BCL2L13: variants seen among roughly 807,000 people sequenced by gnomAD.
BCL2L13 encodes bcl-2-like protein 13.
In BCL2L13, 13 loss-of-function variants were observed where a neutral mutation model predicts 25.8. That is an observed-to-expected ratio of 0.50 (90% confidence interval 0.33 to 0.80). The LOEUF (loss-of-function observed/expected upper bound fraction) is 0.80, where lower values mean the gene tolerates loss of function less well. Among genes scored for constraint, BCL2L13 ranks in the 30% least tolerant of loss-of-function variants. The pLI is 0.02. For synonymous variants in BCL2L13, 244 were observed against 230.3 expected (o/e 1.06, Z -0.54); for missense variants, 504 against 574.9 (o/e 0.88, Z 1.26).
intron 2 of BCL2L13, among the ~76,000 whole-genome samples, chr22:17,678,917 A>G (rs2059652567): frequency 6.6e-6 from 1 of 152,156 alleles, no homozygotes. Flanking sequence ...TTCTGCTGAA[A>G]TTCTTGCATG....
intron 6 of BCL2L13, among the ~76,000 whole-genome samples, chr22:17,709,012 AC>A (rs2060665695): frequency 2.0e-5 from 3 of 148,016 alleles, no homozygotes; most frequent in African/African-American, 7.5e-5. Context: ...GAGGTGGGTG[AC>A]TCACAAGGTC....
intron 2 of BCL2L13, among the ~76,000 whole-genome samples, chr22:17,661,067 T>C (rs1241101310): frequency 6.9e-6 from 1 of 145,626 alleles, no homozygotes; most frequent in Non-Finnish European, 1.6e-5. Flanking sequence ...CATGAGCTTC[T>C]GCACCTGGCT....
At chr22:17,667,495 TG>T (rs540521816) in intron 2 of BCL2L13, among the ~76,000 whole-genome samples, 106 of 149,630 alleles carry the variant, frequency 7.1e-4, no homozygotes, top group Non-Finnish European at 1.3e-3. Context: ...TAAATTGAGT[TG>T]TAAGAAGTCT....
chr22:17,629,198 T>C lies in BCL2L13; in HGVS notation c.-650+193T>C, dbSNP rs117269193. On this transcript the variant is annotated intron_variant, in intron 1 of 6. Coordinates refer to the BCL2L13 transcript ENST00000399782. ...GGACAACATAGAGGAACCCCGTCTCTACCAAAAGAAAAAAAAAAGGGGGAT... is the reference window on the plus strand; with the variant it reads ...GGACAACATAGAGGAACCCCGTCTCCACCAAAAGAAAAAAAAAAGGGGGAT... Among the ~76,000 whole-genome samples the C allele has an allele frequency of 6.5e-3, 983 of 151,596 alleles. 10 individuals carry two copies. The highest frequency in any genetic ancestry group is 0.01 in the Middle Eastern group (3 of 294).
chr22:17,674,605 C>CAAAA (rs71201865), intron 2 of BCL2L13, among the ~76,000 whole-genome samples: 2 of 125,214 alleles, frequency 1.6e-5, no homozygotes, highest in Admixed American at 1.6e-4. Flanking sequence ...GACTCTGTCT[C>CAAAA]AAAAAAAAAA....
chr22:17,670,174 A>C (rs2059371307), intron 2 of BCL2L13, among the ~76,000 whole-genome samples: 1 of 152,056 alleles, frequency 6.6e-6, no homozygotes, highest in Non-Finnish European at 1.5e-5. Flanking sequence ...CTTTGTAGTA[A>C]ATTTTGAAAT....
intron 2 of BCL2L13, among the ~76,000 whole-genome samples, chr22:17,659,617 T>C (rs1384765916): frequency 2.1e-5 from 3 of 144,328 alleles, no homozygotes; most frequent in Non-Finnish European, 4.7e-5. Flanking sequence ...ACCGAGATCA[T>C]GCCACTGCAC....
intron 6 of BCL2L13, among the ~76,000 whole-genome samples, chr22:17,720,417 C>T (rs1021465325): frequency 6.6e-6 from 1 of 152,164 alleles, no homozygotes; most frequent in East Asian, 1.9e-4. Flanking sequence ...AGTGCACTGG[C>T]GCGATCTCGG....
At chr22:17,677,935 A>T (rs1026326446) in intron 2 of BCL2L13, among the ~76,000 whole-genome samples, 6 of 152,080 alleles carry the variant, frequency 3.9e-5, no homozygotes, top group Non-Finnish European at 8.8e-5. Context: ...AGTGCCAGCT[A>T]CTTGAGAGGC....
At chr22:17,726,596 A>G in intron 6 of BCL2L13, 81 bp from the exon 7 acceptor site, 1 of 1,487,090 alleles carries the variant, frequency 6.7e-7, no homozygotes, top group Non-Finnish European at 9.1e-7. Flanking sequence ...TCAGTTTAGG[A>G]AAGAATTTGC....
chr22:17,720,828 A>T (rs1233128504), intron 6 of BCL2L13, among the ~76,000 whole-genome samples: 1 of 151,916 alleles, frequency 6.6e-6, no homozygotes, highest in Non-Finnish European at 1.5e-5. Flanking sequence ...TGTGAATTTT[A>T]TGAATATGAA....
chr22:17,656,714 G>A lies in BCL2L13; in HGVS notation c.121+882G>A, dbSNP rs373346469. Among the ~76,000 whole-genome samples the A allele has an allele frequency of 3.5e-3, 532 of 151,888 alleles. 4 individuals are homozygous for A. The highest frequency in any genetic ancestry group is 0.012 in the African/African-American group (504 of 41,410). ...CCTCTATTGGCAGTTACATTTTTTC[G>A]ATACTTCACAAATATTAGTCTATTG... On this transcript the variant is annotated intron_variant, in intron 2 of 6. Coordinates refer to ENST00000317582, the MANE Select transcript of BCL2L13 (RefSeq NM_015367.4).
At chr22:17,680,228 A>AAAAAAAAAAAG (rs1157154310) in intron 2 of BCL2L13, among the ~76,000 whole-genome samples, 1 of 122,988 alleles carries the variant, frequency 8.1e-6, no homozygotes, top group Non-Finnish European at 1.7e-5. Context: ...AAAAAAAAAA[A>AAAAAAAAAAAG]AGCTGGGCAC....
At chr22:17,689,571 G>A (rs35287399) in intron 4 of BCL2L13, among the ~76,000 whole-genome samples, 21,985 of 152,082 alleles carry the variant, frequency 0.14, 2,075 homozygotes, top group Non-Finnish European at 0.21. Flanking sequence ...TTGACCGGGC[G>A]CGGTGGCTCA....
intron 6 of BCL2L13, among the ~76,000 whole-genome samples, chr22:17,721,865 T>C (rs564894430): frequency 6.6e-6 from 1 of 151,770 alleles, no homozygotes; most frequent in South Asian, 2.1e-4. Flanking sequence ...TTTCACCGTG[T>C]TAGCCAGGAT....
chr22:17,634,929 C>CA (rs1201035993), upstream of BCL2L13, among the ~76,000 whole-genome samples: 1 of 140,472 alleles, frequency 7.1e-6, no homozygotes, highest in African/African-American at 2.7e-5. Context: ...GCCTGGGTAA[C>CA]AGAGTGGAAG....
At chr22:17,630,078 C>T (rs146059571) in intron 1 of BCL2L13, among the ~76,000 whole-genome samples, 265 of 151,840 alleles carry the variant, frequency 1.7e-3, no homozygotes, top group African/African-American at 6.2e-3. Flanking sequence ...AATTAACAGG[C>T]GTGGTGGTGT....
At chr22:17,709,527 G>A (rs565218539) in intron 6 of BCL2L13, among the ~76,000 whole-genome samples, 9 of 151,708 alleles carry the variant, frequency 5.9e-5, no homozygotes, top group African/African-American at 1.9e-4. Context: ...CCCAGGAGGC[G>A]GAGGTTGCAG....
At chr22:17,647,196 G>T (rs1311354765) in intron 1 of BCL2L13, among the ~76,000 whole-genome samples, 2 of 151,456 alleles carry the variant, frequency 1.3e-5, no homozygotes, top group African/African-American at 4.8e-5. Context: ...GGCTGGTTTC[G>T]ATCTCCTGAC....
Sources: allele counts gnomAD v4.1 joint callset (sites outside exome capture counted in the v4.1 genomes callset), GRCh38; gene constraint gnomAD v4.1.1; transcripts MANE v1.5; gene names NCBI Gene and HGNC (gene_info 2026-07-23, HGNC 2026-07-21).